DDX31: variants seen among roughly 807,000 people sequenced by gnomAD.
DDX31 encodes ATP-dependent DNA helicase DDX31.
A neutral mutation model predicts 91.3 loss-of-function variants in DDX31; 70 were observed. That is an observed-to-expected ratio of 0.77 (90% CI 0.63 to 0.94). DDX31 has a LOEUF of 0.94. Among genes scored for constraint, DDX31 ranks in the 40% least tolerant of loss-of-function variants. The pLI, the probability that DDX31 is intolerant of heterozygous loss-of-function variation, is 0.00. For missense variants in DDX31, 902 were observed against 925.0 expected (o/e 0.98, Z 0.32); for synonymous variants, 362 against 350.6 (o/e 1.03, Z -0.36).
At chr9:132,645,335 C>T (rs1833755715) in intron 13 of DDX31, among the ~76,000 whole-genome samples, 1 of 152,144 alleles carries the variant, frequency 6.6e-6, no homozygotes, top group African/African-American at 2.4e-5. Flanking sequence ...AATCTTACTC[C>T]GTGCCGAGAA....
chr9:132,614,869 C>T (rs142618954), intron 18 of DDX31, among the ~76,000 whole-genome samples: 2 of 152,298 alleles, frequency 1.3e-5, no homozygotes, highest in East Asian at 1.9e-4. Context: ...CCTGTCTCAC[C>T]GGGGACAGCG....
chr9:132,669,179 G>A (rs1035617181), intron 1 of DDX31, among the ~76,000 whole-genome samples: 5 of 152,074 alleles, frequency 3.3e-5, no homozygotes, highest in Middle Eastern at 3.2e-3. Context: ...ATCTCTTTAG[G>A]ATTGGGAGGG....
At chr9:132,629,686 G>C (rs906934153) in intron 16 of DDX31, among the ~76,000 whole-genome samples, 1 of 152,178 alleles carries the variant, frequency 6.6e-6, no homozygotes, top group Non-Finnish European at 1.5e-5. Context: ...CATTTACAGC[G>C]AGCTGGGCTG....
At chr9:132,657,330 T>C (rs62576191) in intron 6 of DDX31, among the ~76,000 whole-genome samples, 10,726 of 152,250 alleles carry the variant, frequency 0.07, 524 homozygotes, top group Non-Finnish European at 0.11. Context: ...CACACCCTTC[T>C]CTCAGCTTCT....
chr9:132,661,240 T>G lies in DDX31; in HGVS notation c.420A>C (p.Ile140=). Residue 140 remains isoleucine (I), a synonymous_variant, in exon 4 of 20, where the codon ATA becomes ATC. Transcript: ENST00000372159. Reference sequence around the variant, plus strand: ...TACTAGACATTTTTAAGACCGTATTTATTGTGGAAATCTAAAAGAGGAGAT... The same window carrying G: ...TACTAGACATTTTTAAGACCGTATTGATTGTGGAAATCTAAAAGAGGAGAT... The part of the protein sequence containing the change: ...LGLHPHLIST[I]NTVLKMSSMT... 6.2e-7 allele frequency: 1 copy of G among 1,606,340 alleles called. No individual in the cohort carries two copies. The highest frequency in any genetic ancestry group is 1.7e-4 in the Middle Eastern group (1 of 6,046).
At chr9:132,644,691 C>T (rs1359413401) in intron 13 of DDX31, among the ~76,000 whole-genome samples, 4 of 152,252 alleles carry the variant, frequency 2.6e-5, no homozygotes, top group South Asian at 2.1e-4. Context: ...GGATCGACGC[C>T]GCAGAATGCC....
chr9:132,600,760 A>G (rs1190863346), intron 19 of DDX31, among the ~76,000 whole-genome samples: 1 of 152,230 alleles, frequency 6.6e-6, no homozygotes, highest in Non-Finnish European at 1.5e-5. Flanking sequence ...GGCAGGTGGC[A>G]GTGCTGGGGA....
chr9:132,658,735 C>G lies in DDX31; in HGVS notation c.524G>C (p.Gly175Ala). ...AGGGATGCAATAGGCAAGAGTTTTA[C>G]CTTTCAAAAAAAAAGCAGAAGCAAT... ...DALVRSQTGSGKTLAYCIPVV... is the reference protein window; with the variant it reads ...DALVRSQTGSAKTLAYCIPVV... Residue 175 changes from glycine to alanine, a missense_variant and splice_region_variant, in exon 6 of 20, where the codon GGT becomes GCT. Gly to Ala is a moderately conservative substitution (Grantham distance 60). Transcript: ENST00000372159. 1 of 1,612,748 alleles carries G rather than the reference C, an allele frequency of 6.2e-7. No individual in the cohort carries two copies. Among genetic ancestry groups the G allele is most frequent in the Non-Finnish European group, 8.5e-7 (1 of 1,179,548 alleles).
At position 132,595,444 on chromosome 9, in the gene DDX31, A is replaced by AG. The variant is rs1830394270; in HGVS notation, c.1995-333dup. ...ATGATACAGCGGTTTGCCAAAGGAC[A>AG]GGGAAAAACCCACCGTCACACTCAA... On this transcript the variant is annotated intron_variant, in intron 19 of 19. Coordinates refer to ENST00000372159, the MANE Select transcript of DDX31 (RefSeq NM_022779.9). This position sits in a 1 kb window ranked among gnomAD's most constrained non-coding sequence, Gnocchi z 4.6. 6.6e-6 allele frequency among the ~76,000 whole-genome samples: 1 copy of AG among 152,204 alleles called. No individual in the cohort carries two copies. Among genetic ancestry groups the AG allele is most frequent in the Admixed American group, 6.5e-5 (1 of 15,286 alleles).
chr9:132,666,708 TTTTG>T (rs1460665927), intron 1 of DDX31, among the ~76,000 whole-genome samples: 2 of 148,834 alleles, frequency 1.3e-5, no homozygotes, highest in African/African-American at 2.5e-5. Context: ...TGTTTTTTGT[TTTTG>T]TTTTTTTTTT....
intron 6 of DDX31, among the ~76,000 whole-genome samples, chr9:132,653,330 C>T (rs767297680): frequency 6.6e-6 from 1 of 150,950 alleles, no homozygotes; most frequent in African/African-American, 2.4e-5. Context: ...CCCGTCTCTA[C>T]TAAAAATACA....
chr9:132,623,301 T>TA (rs1016741573), intron 17 of DDX31, among the ~76,000 whole-genome samples: 1 of 151,950 alleles, frequency 6.6e-6, no homozygotes, highest in Non-Finnish European at 1.5e-5. Flanking sequence ...CTCATGCCTG[T>TA]AATCCCAGCA....
chr9:132,614,120 T>C (rs565259257), intron 18 of DDX31, among the ~76,000 whole-genome samples: 6 of 152,252 alleles, frequency 3.9e-5, no homozygotes, highest in South Asian at 2.1e-4. Flanking sequence ...CACCTGGAGA[T>C]TGGCGTTTAT....
chr9:132,603,016 T>C lies in DDX31; in HGVS notation c.1995-7904A>G, dbSNP rs532399138. ...GCTTCAGGATCTCTAAGACTCAGAATCACATGACCGGGCTCCGAGTTCTAC... is the reference window on the plus strand; with the variant it reads ...GCTTCAGGATCTCTAAGACTCAGAACCACATGACCGGGCTCCGAGTTCTAC... On this transcript the variant is annotated intron_variant, in intron 19 of 19. Coordinates refer to ENST00000372159, the MANE Select transcript of DDX31 (RefSeq NM_022779.9). Among the ~76,000 whole-genome samples the C allele has an allele frequency of 3.0e-5, 3 of 99,798 alleles. No homozygotes were observed. In the Admixed American group the frequency reaches 3.1e-4, roughly 10 times the overall value. 65.5% of individuals were successfully genotyped at this position (99,798 alleles called of 152,430 possible). A position where few individuals can be genotyped will look rare whatever the true frequency, so the allele number is the denominator to read the frequency against.
intron 19 of DDX31, among the ~76,000 whole-genome samples, chr9:132,596,621 C>T (rs1218249954): frequency 4.6e-5 from 7 of 152,172 alleles, no homozygotes; most frequent in Non-Finnish European, 1.0e-4. Flanking sequence ...CATTTACAGA[C>T]AAGGACACAA....
intron 19 of DDX31, among the ~76,000 whole-genome samples, chr9:132,600,109 G>A (rs151095910): frequency 1.3e-5 from 2 of 152,368 alleles, no homozygotes; most frequent in Non-Finnish European, 2.9e-5. Context: ...ATAAGCTGGT[G>A]TGGGATGTCA....
In DDX31 at chr9:132,662,643, G is replaced by T. The variant is rs529238070; in HGVS notation, c.128C>A (p.Ala43Glu). The T allele has an allele frequency of 6.2e-7, 1 of 1,614,016 alleles. No individual in the cohort carries two copies. Among genetic ancestry groups the T allele is most frequent in the South Asian group, 1.1e-5 (1 of 91,072 alleles). ...KYQASSEAPP[A>E]KRRNETSFLP... ...AAATGAAGTTTCGTTCCTCCGTTTC[G>T]CTGGGGGAGCCTCACTGGACGCTTG... Residue 43 changes from alanine to glutamate, a missense_variant, in exon 2 of 20, where the codon GCG (alanine) becomes GAG (glutamate). By Grantham distance (107) the Ala-to-Glu change is moderately radical. Transcript: ENST00000372159.
chr9:132,658,602 T>C (rs935598171), intron 6 of DDX31, 69 bp downstream of exon 6: 1 of 1,392,206 alleles, frequency 7.2e-7, no homozygotes, highest in Non-Finnish European at 1.0e-6. Flanking sequence ...CTAATATTTC[T>C]GTTATGCTTC....
In DDX31 at chr9:132,618,452, G is replaced by A. The variant is rs367857798; in HGVS notation, c.1714-11C>T. 3.1e-5 allele frequency: 49 copies of A among 1,605,174 alleles called. No individual in the cohort carries two copies. The African/African-American group carries it at 4.4e-4, about 14-fold the overall frequency. ...AACAGCATGGGATTTCTGAGAGGGC[G>A]ACGGAAGGATTAAAGGAGAGATAGA... On this transcript the variant is annotated splice_polypyrimidine_tract_variant and intron_variant, in intron 17 of 19. Coordinates refer to ENST00000372159, the MANE Select transcript of DDX31 (RefSeq NM_022779.9).
Sources: allele counts gnomAD v4.1 joint callset (sites outside exome capture counted in the v4.1 genomes callset), GRCh38; gene constraint gnomAD v4.1.1; non-coding constraint Gnocchi (gnomAD v3.1); transcripts MANE v1.5; gene names NCBI Gene and HGNC (gene_info 2026-07-23, HGNC 2026-07-21).